The following NPRL2 variants were observed in gnomAD, a reference collection of about 807,000 sequenced individuals.
NPRL2 encodes the protein NPR2 like, GATOR1 complex subunit.
In NPRL2, 21 loss-of-function variants were observed where a neutral mutation model predicts 51.1. That is an observed-to-expected ratio of 0.41 (90% CI 0.29 to 0.59). NPRL2 has a LOEUF of 0.59. Among genes scored for constraint, NPRL2 ranks in the 20% least tolerant of loss-of-function variants. NPRL2 has a pLI of 0.29. For missense variants in NPRL2, 376 were observed against 483.4 expected, an observed-to-expected ratio of 0.78 and a Z score of 2.08; for synonymous variants, 175 against 187.8, an observed-to-expected ratio of 0.93 and a Z score of 0.56.
chr3:50,350,446 A>T lies in NPRL2; in HGVS notation c.78+129T>A. On this transcript the variant is annotated intron_variant, in intron 1 of 10. Transcript: ENST00000232501. This position sits in a 1 kb window ranked among gnomAD's most constrained non-coding sequence, Gnocchi z 5.7. ...GGGGGCCTGGGTCTGACTATCCTCTAGCCTCACAGTTGTCTGCGAATGAAG... is the reference window on the plus strand; with the variant it reads ...GGGGGCCTGGGTCTGACTATCCTCTTGCCTCACAGTTGTCTGCGAATGAAG... 1.0e-6 allele frequency: 1 copy of T among 982,644 alleles called. No homozygotes were observed. Among genetic ancestry groups the T allele is most frequent in the Non-Finnish European group, 1.5e-6 (1 of 663,976 alleles). 60.9% of individuals were successfully genotyped at this position (982,644 alleles called of 1,614,324 possible).
At position 50,347,922 on chromosome 3, in the gene NPRL2, C is replaced by CA. The variant is rs368639282; in HGVS notation, c.933-22_933-21insT. 776 of 1,613,360 alleles carry CA rather than the reference C, an allele frequency of 4.8e-4. 3 individuals are homozygous for CA. In the African/African-American group the frequency reaches 9.1e-3, roughly 19 times the overall value. ...GCTTCCTAGGGTGAGGATCAGAGGACGGGGTGACGCCCTGGCCAGGCCTTC... is the reference window on the plus strand; with the variant it reads ...GCTTCCTAGGGTGAGGATCAGAGGACAGGGGTGACGCCCTGGCCAGGCCTTC... On this transcript the variant is annotated intron_variant, in intron 9 of 10. Transcript: ENST00000232501.
Position 50,349,556 on chromosome 3 carries a change from T to C in NPRL2, c.340-62A>G. 1 of 1,611,708 alleles carries C rather than the reference T, an allele frequency of 6.2e-7. No homozygotes were observed. The highest frequency in any genetic ancestry group is 8.5e-7 in the Non-Finnish European group (1 of 1,178,100). On this transcript the variant is annotated intron_variant, in intron 3 of 10. Coordinates refer to ENST00000232501, the MANE Select transcript of NPRL2 (RefSeq NM_006545.5). The surrounding 1 kb of genome is among the most constrained non-coding windows in gnomAD (Gnocchi z 4.6). ...AGGACCCCTGGCTGGTTGGCTGCCC[T>C]GAGTCCTGAGCTGGTTTGCAGGGTC...
chr3:50,348,021 T>C lies in NPRL2; in HGVS notation c.932+103A>G. On this transcript the variant is annotated intron_variant, in intron 9 of 10. Coordinates refer to ENST00000232501, the MANE Select transcript of NPRL2 (RefSeq NM_006545.5). This position sits in a 1 kb window ranked among gnomAD's most constrained non-coding sequence, Gnocchi z 5.8. ...TGTAGCCCATCATCTCCAGGAAGCC[T>C]GCTTGGATTGGCAGTGCCCCATGAT... 3 of 1,589,558 alleles carry C rather than the reference T, an allele frequency of 1.9e-6. No homozygotes were observed. The highest frequency in any genetic ancestry group is 2.6e-6 in the Non-Finnish European group (3 of 1,161,360).
In NPRL2 at chr3:50,349,305, T is replaced by C; in HGVS notation, c.448+81A>G. The stretch of plus-strand genomic sequence containing the variant: ...CTGCCCACCAATGTGTTCATGAGTC[T>C]TGCCCTTCTCCCTGACTAGCTGGGT... On this transcript the variant is annotated intron_variant, in intron 4 of 10. Coordinates refer to ENST00000232501, the MANE Select transcript of NPRL2 (RefSeq NM_006545.5). The surrounding 1 kb of genome is among the most constrained non-coding windows in gnomAD (Gnocchi z 4.6). 1 of 1,260,230 alleles carries C rather than the reference T, an allele frequency of 7.9e-7. No individual in the cohort carries two copies. The highest frequency in any genetic ancestry group is 1.2e-5 in the South Asian group (1 of 81,680). The allele number at this position is 1,260,230 out of a possible 1,614,324, so 78.1% of individuals were successfully genotyped here. A position where few individuals can be genotyped will look rare whatever the true frequency, so the allele number is the denominator to read the frequency against.
In NPRL2 at chr3:50,349,219, C is replaced by T. The variant is rs898879186; in HGVS notation, c.448+167G>A. The T allele has an allele frequency of 1.1e-4, 88 of 833,058 alleles. No individual in the cohort carries two copies. Among genetic ancestry groups the T allele is most frequent in the Non-Finnish European group, 9.0e-5 (48 of 532,084 alleles). The allele number at this position is 833,058 out of a possible 1,614,324, so 51.6% of individuals were successfully genotyped here. The stretch of plus-strand genomic sequence containing the variant: ...GAGAGCTCTGCTTTCCCCCTACCCC[C>T]AGTCCCAGCTCCATCATGCATTGGA... On this transcript the variant is annotated intron_variant, in intron 4 of 10. Coordinates refer to ENST00000232501, the MANE Select transcript of NPRL2 (RefSeq NM_006545.5). The surrounding 1 kb of genome is among the most constrained non-coding windows in gnomAD (Gnocchi z 4.6).
chr3:50,348,589 T>C lies in NPRL2; in HGVS notation c.684-26A>G, dbSNP rs587643832. On this transcript the variant is annotated intron_variant, in intron 6 of 10. Coordinates refer to ENST00000232501, the MANE Select transcript of NPRL2 (RefSeq NM_006545.5). This position sits in a 1 kb window ranked among gnomAD's most constrained non-coding sequence, Gnocchi z 5.8. ...CTGAGAGAGAGAGCTGTGCTCAGCT[T>C]CTGAGGACCATGCCTTCCCAACCCT... The C allele has an allele frequency of 6.2e-7, 1 of 1,614,050 alleles. No homozygotes were observed. Among genetic ancestry groups the C allele is most frequent in the South Asian group, 1.1e-5 (1 of 91,078 alleles).
chr3:50,348,670 T>C lies in NPRL2; in HGVS notation c.683+15A>G, dbSNP rs773899411. On this transcript the variant is annotated intron_variant, in intron 6 of 10. Transcript: ENST00000232501. The surrounding 1 kb of genome is among the most constrained non-coding windows in gnomAD (Gnocchi z 5.8). ...CTGGTGACCTTGTCCCAGGTATGAC[T>C]GTAGGCCCACTCACAGCAGGTTCTG... 1.9e-6 allele frequency: 3 copies of C among 1,614,008 alleles called. No homozygotes were observed. The highest frequency in any genetic ancestry group is 2.2e-5 in the South Asian group (2 of 91,080).
rs1703662238 is a variant in NPRL2 at position 50,349,165 on chromosome 3, G to A, written c.449-155C>T. On this transcript the variant is annotated intron_variant, in intron 4 of 10. Transcript: ENST00000232501. The surrounding 1 kb of genome is among the most constrained non-coding windows in gnomAD (Gnocchi z 4.6). ...GAGTGAGAAACGGAGGCCCACAAAG[G>A]GGAAGGAATTGCCCAAGGGGCAGAG... is the stretch of plus-strand genomic sequence containing the variant. The A allele has an allele frequency of 2.0e-6, 2 of 1,007,708 alleles. No homozygotes were observed. The highest frequency in any genetic ancestry group is 2.9e-6 in the Non-Finnish European group (2 of 700,006). 62.4% of individuals were successfully genotyped at this position (1,007,708 alleles called of 1,614,324 possible). A position where few individuals can be genotyped will look rare whatever the true frequency, so the allele number is the denominator to read the frequency against.
rs1703646956 is a variant in NPRL2 at position 50,348,820 on chromosome 3, AGGC to A, written c.586-41_586-39del. On this transcript the variant is annotated intron_variant, in intron 5 of 10. Coordinates refer to ENST00000232501, the MANE Select transcript of NPRL2 (RefSeq NM_006545.5). The surrounding 1 kb of genome is among the most constrained non-coding windows in gnomAD (Gnocchi z 5.8). ...GGACAAGGTCAGAAGAAACAGGATG[AGGC>A]CAGGGCTGTGGCCAGCCCCAGGTGA... is the stretch of plus-strand genomic sequence containing the variant. 6.2e-7 allele frequency: 1 copy of A among 1,613,810 alleles called. No homozygotes were observed. The highest frequency in any genetic ancestry group is 8.5e-7 in the Non-Finnish European group (1 of 1,179,902).
rs377357581 is a variant in NPRL2 at position 50,347,556 on chromosome 3, T to C, written c.*50A>G. On this transcript the variant is annotated 3_prime_UTR_variant, in exon 11 of 11. Transcript: ENST00000232501. ...CCTCTAGACAGTATGACAAGCCTCC[T>C]AGTAGGAGGGACTACCCACAGCAAT... The C allele has an allele frequency of 1.4e-4, 233 of 1,607,814 alleles. No individual in the cohort carries two copies. Among genetic ancestry groups the C allele is most frequent in the Non-Finnish European group, 1.8e-4 (214 of 1,174,762 alleles).
At position 50,348,631 on chromosome 3, in the gene NPRL2, G is replaced by C; in HGVS notation, c.683+54C>G. 6.2e-7 allele frequency: 1 copy of C among 1,613,724 alleles called. No individual in the cohort carries two copies. Among genetic ancestry groups the C allele is most frequent in the Non-Finnish European group, 8.5e-7 (1 of 1,179,696 alleles). On this transcript the variant is annotated intron_variant, in intron 6 of 10. Coordinates refer to ENST00000232501, the MANE Select transcript of NPRL2 (RefSeq NM_006545.5). This position sits in a 1 kb window ranked among gnomAD's most constrained non-coding sequence, Gnocchi z 5.8. ...CCCAACCCTCACACCCAGGGCCCCTGAGGTCTTCCCTGGCTGGTGACCTTG... is the reference window on the plus strand; with the variant it reads ...CCCAACCCTCACACCCAGGGCCCCTCAGGTCTTCCCTGGCTGGTGACCTTG...
chr3:50,349,188 G>A lies in NPRL2; in HGVS notation c.449-178C>T. On this transcript the variant is annotated intron_variant, in intron 4 of 10. Coordinates refer to ENST00000232501, the MANE Select transcript of NPRL2 (RefSeq NM_006545.5). The surrounding 1 kb of genome is among the most constrained non-coding windows in gnomAD (Gnocchi z 4.6). ...AGGGGAAGGAATTGCCCAAGGGGCAGAGCTGGAGAGCTCTGCTTTCCCCCT... is the reference window on the plus strand; with the variant it reads ...AGGGGAAGGAATTGCCCAAGGGGCAAAGCTGGAGAGCTCTGCTTTCCCCCT... 1.1e-6 allele frequency: 1 copy of A among 871,042 alleles called. No homozygotes were observed. 54.0% of individuals were successfully genotyped at this position (871,042 alleles called of 1,614,324 possible).
rs1188043085 is a variant in NPRL2, at chr3:50,347,782, T to G, written c.1052A>C (p.Tyr351Ser). Residue 351 changes from tyrosine to serine, a missense_variant, in exon 10 of 11, where the codon TAT (tyrosine) becomes TCT (serine). Physicochemically the swap from Tyr to Ser is moderately radical, Grantham distance 144. Transcript: ENST00000232501. ...ACCTGTCTTGCAGCAGATCTCGTCA[T>G]AGCTGTGGCAGCCTGTATAAAGCCG... ...PARLYTGCHS[Y>S]DEICCKTGMS... 1.2e-6 allele frequency: 2 copies of G among 1,613,842 alleles called. No homozygotes were observed. Among genetic ancestry groups the G allele is most frequent in the Non-Finnish European group, 1.7e-6 (2 of 1,180,042 alleles).
In NPRL2 at chr3:50,347,693, A is replaced by G; in HGVS notation, c.1076-20T>C. The G allele has an allele frequency of 6.2e-7, 1 of 1,613,956 alleles. No homozygotes were observed. The highest frequency in any genetic ancestry group is 8.5e-7 in the Non-Finnish European group (1 of 1,180,008). ...TCATGCCTGGGTGGGGTGGTGGAGG[A>G]GAGGTCAGTGGCCTTGGCCTGGCCA... On this transcript the variant is annotated intron_variant, in intron 10 of 10. Transcript: ENST00000232501.
chr3:50,349,608 G>A lies in NPRL2; in HGVS notation c.339+57C>T. ...CAGGTTTGGGGGACTTTGGAGACAT[G>A]GGAACACCTTCCCCAACTCTGCCTG... is the stretch of plus-strand genomic sequence containing the variant. On this transcript the variant is annotated intron_variant, in intron 3 of 10. Coordinates refer to ENST00000232501, the MANE Select transcript of NPRL2 (RefSeq NM_006545.5). This position sits in a 1 kb window ranked among gnomAD's most constrained non-coding sequence, Gnocchi z 4.6. 1.2e-6 allele frequency: 2 copies of A among 1,604,760 alleles called. No homozygotes were observed. The highest frequency in any genetic ancestry group is 1.7e-6 in the Non-Finnish European group (2 of 1,173,142).
In NPRL2 at chr3:50,350,644, G is replaced by C; in HGVS notation, c.9C>G (p.Ser3Arg). The C allele has an allele frequency of 6.2e-7, 1 of 1,605,080 alleles. No homozygotes were observed. Among genetic ancestry groups the C allele is most frequent in the Non-Finnish European group, 8.5e-7 (1 of 1,176,218 alleles). MG[S>R]GCRIECIFFS... Reference sequence around the variant, plus strand: ...AGAATATGCATTCGATGCGGCAGCCGCTGCCCATGGCAATAACCGGGCCCA... The same window carrying C: ...AGAATATGCATTCGATGCGGCAGCCCCTGCCCATGGCAATAACCGGGCCCA... The change falls in exon 1 of 11, where the codon AGC becomes AGG. Residue 3 changes from serine to arginine, a missense_variant. By Grantham distance (110) the Ser-to-Arg change is moderately radical. Transcript: ENST00000232501. The surrounding 1 kb of genome is among the most constrained non-coding windows in gnomAD (Gnocchi z 5.7).
chr3:50,350,128 T>C lies in NPRL2; in HGVS notation c.79-106A>G. 1 of 864,066 alleles carries C rather than the reference T, an allele frequency of 1.2e-6. No individual in the cohort carries two copies. The highest frequency in any genetic ancestry group is 1.9e-6 in the Non-Finnish European group (1 of 527,188). 53.5% of individuals were successfully genotyped at this position (864,066 alleles called of 1,614,324 possible). ...CAAGCCCAAGTCCTCTTCTCCAGCG[T>C]TCCCCTCTCTCCCATCCACTCAGGC... On this transcript the variant is annotated intron_variant, in intron 1 of 10. Coordinates refer to ENST00000232501, the MANE Select transcript of NPRL2 (RefSeq NM_006545.5). This position sits in a 1 kb window ranked among gnomAD's most constrained non-coding sequence, Gnocchi z 5.7.
chr3:50,348,081 C>T lies in NPRL2; in HGVS notation c.932+43G>A, dbSNP rs376108188. On this transcript the variant is annotated intron_variant, in intron 9 of 10. Coordinates refer to ENST00000232501, the MANE Select transcript of NPRL2 (RefSeq NM_006545.5). This position sits in a 1 kb window ranked among gnomAD's most constrained non-coding sequence, Gnocchi z 5.8. ...CTGAGAGACATAAAGGGTCTAGCTT[C>T]CCTCAGGTAACTCCCAAATGCCCCA... The T allele has an allele frequency of 6.2e-7, 1 of 1,606,314 alleles. No individual in the cohort carries two copies. Among genetic ancestry groups the T allele is most frequent in the Non-Finnish European group, 8.5e-7 (1 of 1,173,392 alleles).
Position 50,349,931 on chromosome 3 carries a change from A to G in NPRL2, c.170T>C (p.Val57Ala). ...KPELQNKLIT[V>A]TAMEKKLIGC... Reference sequence around the variant, plus strand: ...CGCTCACCCCGAGCTAGGGTCTCACACAGTGATAAGCTTGTTCTGCAGCTC... The same window carrying G: ...CGCTCACCCCGAGCTAGGGTCTCACGCAGTGATAAGCTTGTTCTGCAGCTC... Residue 57 changes from valine (V) to alanine (A), a missense_variant and splice_region_variant, in exon 2 of 11, where the codon GTC (valine) becomes GCC (alanine). Physicochemically the swap from Val to Ala is moderately conservative, Grantham distance 64. Transcript: ENST00000232501. The surrounding 1 kb of genome is among the most constrained non-coding windows in gnomAD (Gnocchi z 4.6). The G allele has an allele frequency of 6.2e-7, 1 of 1,613,850 alleles. No individual in the cohort carries two copies. The highest frequency in any genetic ancestry group is 8.5e-7 in the Non-Finnish European group (1 of 1,179,994).
Sources: gnomAD v4.1 joint callset for allele counts on GRCh38, gnomAD v4.1.1 for gene constraint, Gnocchi (gnomAD v3.1) non-coding constraint, MANE v1.5 for transcripts, NCBI Gene and HGNC (gene_info 2026-07-23, HGNC 2026-07-21) for gene names.